Variants in ACER1 observed in about 807,000 individuals in gnomAD.
The protein encoded by ACER1 is CTB-180A7.3.
A neutral mutation model predicts 24.9 loss-of-function variants in ACER1; 28 were observed. The observed-to-expected ratio is 1.13, with a 90% CI of 0.83 to 1.54. The LOEUF is 1.54. Ranked by LOEUF, ACER1 falls within the 40% of genes most tolerant of loss-of-function variation. The pLI is 0.00. For missense variants in ACER1, 352 were observed against 349.3 expected (o/e 1.01, Z -0.06); for synonymous variants, 132 against 131.4 (o/e 1.00, Z -0.03).
chr19:6,321,800 C>T (rs991151095), intron 1 of ACER1, among the ~76,000 whole-genome samples: 6 of 152,080 alleles, frequency 3.9e-5, no homozygotes, highest in Non-Finnish European at 5.9e-5. Context: ...TTAGTAGAGA[C>T]GGGGTTTCAC....
At chr19:6,309,874 T>C (rs1309312535) in intron 3 of ACER1, 40 bp from the exon 4 acceptor site, 2 of 1,610,960 alleles carry the variant, frequency 1.2e-6, no homozygotes, top group African/African-American at 2.7e-5. Context: ...GGAAGGGAGG[T>C]CCTGGGATTG....
rs1412185068 is a variant in ACER1 at position 6,307,185 on chromosome 19, C to T, written c.594G>A (p.Gln198=). The change falls in exon 5 of 6, where the codon CAG becomes CAA. Residue 198 remains glutamine (Q), a synonymous_variant. Transcript: ENST00000301452. ...ISDRLLCSFW[Q]RIHFFYLHSI... Reference sequence around the variant, plus strand: ...TGTGCAGATAGAAGAAATGAATCCTCTGCCAGAAGCTGCAAAGCAGACGGT... The same window carrying T: ...TGTGCAGATAGAAGAAATGAATCCTTTGCCAGAAGCTGCAAAGCAGACGGT... The T allele has an allele frequency of 6.2e-7, 1 of 1,614,162 alleles. No homozygotes were observed. The highest frequency in any genetic ancestry group is 8.5e-7 in the Non-Finnish European group (1 of 1,180,036).
At chr19:6,351,857 C>A in the ACER1 span, among the ~76,000 whole-genome samples, 1 of 152,036 alleles carries the variant, frequency 6.6e-6, no homozygotes, top group South Asian at 2.1e-4. Flanking sequence ...GAGATCAAGA[C>A]CATCCTGGCT....
chr19:6,316,466 T>C (rs1258559812), intron 1 of ACER1, among the ~76,000 whole-genome samples: 1 of 152,018 alleles, frequency 6.6e-6, no homozygotes, highest in Non-Finnish European at 1.5e-5. Flanking sequence ...TGAAATGCCT[T>C]TGCGGCAACA....
upstream of ACER1, among the ~76,000 whole-genome samples, chr19:6,334,339 T>G (rs1031874124): frequency 1.3e-5 from 2 of 151,846 alleles, no homozygotes; most frequent in African/African-American, 2.4e-5. Flanking sequence ...TGAGCCACCG[T>G]GCCCGGCCTT....
At chr19:6,307,940 A>T (rs1265453337) in intron 4 of ACER1, among the ~76,000 whole-genome samples, 1 of 151,226 alleles carries the variant, frequency 6.6e-6, no homozygotes, top group Admixed American at 6.6e-5. Context: ...TACAAAAAAA[A>T]AATTAGCCGG....
At chr19:6,356,244 G>A in the ACER1 span, among the ~76,000 whole-genome samples, 4 of 149,152 alleles carry the variant, frequency 2.7e-5, no homozygotes, top group South Asian at 4.2e-4. Flanking sequence ...GGTGCAAGAT[G>A]TGCTTTGTTA....
chr19:6,358,894 T>C, the ACER1 span, among the ~76,000 whole-genome samples: 11 of 140,490 alleles, frequency 7.8e-5, no homozygotes, highest in African/African-American at 1.4e-4. Flanking sequence ...GATTGTGCCA[T>C]TGCACTCCAG....
intron 4 of ACER1, among the ~76,000 whole-genome samples, chr19:6,308,619 C>T (rs1240235807): frequency 6.6e-6 from 1 of 152,030 alleles, no homozygotes; most frequent in Non-Finnish European, 1.5e-5. Flanking sequence ...AACCAACAAG[C>T]CCTTTGGTGC....
intron 1 of ACER1, among the ~76,000 whole-genome samples, chr19:6,332,250 A>G: frequency 7.2e-6 from 1 of 139,048 alleles, no homozygotes; most frequent in Admixed American, 7.6e-5. Context: ...TACAGGCGTG[A>G]GCCTCCGCGC....
the ACER1 span, among the ~76,000 whole-genome samples, chr19:6,355,720 C>T: frequency 7.1e-6 from 1 of 141,608 alleles, no homozygotes; most frequent in Non-Finnish European, 1.5e-5. Flanking sequence ...CCCCTCTGCC[C>T]GGCCAGCCGC....
the ACER1 span, among the ~76,000 whole-genome samples, chr19:6,341,183 C>G: frequency 6.7e-6 from 1 of 149,954 alleles, no homozygotes; most frequent in Non-Finnish European, 1.5e-5. Flanking sequence ...TCACTGTAAC[C>G]TCCACCTCCA....
chr19:6,327,568 A>G (rs2145015644), intron 1 of ACER1, among the ~76,000 whole-genome samples: 1 of 151,104 alleles, frequency 6.6e-6, no homozygotes, highest in South Asian at 2.1e-4. Flanking sequence ...CCGTCTCAAA[A>G]TAAATAAATA....
chr19:6,348,652 T>TA, the ACER1 span, among the ~76,000 whole-genome samples: 12 of 149,792 alleles, frequency 8.0e-5, no homozygotes, highest in East Asian at 2.0e-4. Flanking sequence ...CCACAGGCAT[T>TA]AAAAAAAAAG....
At chr19:6,319,622 A>G (rs2091620343) in intron 1 of ACER1, among the ~76,000 whole-genome samples, 1 of 152,030 alleles carries the variant, frequency 6.6e-6, no homozygotes, top group Non-Finnish European at 1.5e-5. Context: ...GGGTGTATAC[A>G]GTCAGGACAG....
the ACER1 span, among the ~76,000 whole-genome samples, chr19:6,352,565 A>G: frequency 6.6e-6 from 1 of 152,344 alleles, no homozygotes; most frequent in Non-Finnish European, 1.5e-5. Flanking sequence ...TCCTAAGTTT[A>G]GGGGCGGTTT....
chr19:6,331,447 C>G (rs2091686629), intron 1 of ACER1, among the ~76,000 whole-genome samples: 1 of 136,572 alleles, frequency 7.3e-6, no homozygotes, highest in Non-Finnish European at 1.5e-5. Context: ...TAGCACCCAG[C>G]CAGCAAGCAC....
intron 3 of ACER1, 145 bp downstream of exon 3, chr19:6,312,004 G>A: frequency 8.7e-7 from 1 of 1,143,666 alleles, no homozygotes; most frequent in South Asian, 1.7e-5. Context: ...GCAGGGTCAG[G>A]AGAAAACCCG....
chr19:6,312,344 C>T, intron 2 of ACER1, 41 bp downstream of exon 2: 1 of 1,613,976 alleles, frequency 6.2e-7, no homozygotes, highest in Non-Finnish European at 8.5e-7. Context: ...TAAACCCCCA[C>T]TGCCTCCCGA....
Sources: allele counts gnomAD v4.1 joint callset (sites outside exome capture counted in the v4.1 genomes callset), GRCh38; gene constraint gnomAD v4.1.1; transcripts MANE v1.5; gene names NCBI Gene and HGNC (gene_info 2026-07-23, HGNC 2026-07-21).